Variants in NEBL observed in about 807,000 individuals in gnomAD.
NEBL encodes LIM and SH3 protein 2.
NEBL carries 122 observed loss-of-function variants against 140.2 expected under a neutral mutation model. That is an observed-to-expected ratio of 0.87 (90% CI 0.75 to 1.01). The LOEUF is 1.01. Ranked by LOEUF, NEBL falls within the 50% of genes least tolerant of loss-of-function variation. The pLI, the probability that NEBL is intolerant of heterozygous loss-of-function variation, is 0.00. For synonymous variants in NEBL, 436 were observed against 398.9 expected (o/e 1.09, Z -1.11); for missense variants, 1,365 against 1,231.3 (o/e 1.11, Z -1.62).
intron 4 of NEBL, among the ~76,000 whole-genome samples, chr10:20,955,124 A>G (rs566973643): frequency 6.6e-6 from 1 of 152,328 alleles, no homozygotes; most frequent in South Asian, 2.1e-4. Context: ...ACTCCTATCA[A>G]GGGGTAGGGA....
At chr10:20,861,499 A>T (rs1843699922) in intron 7 of NEBL, among the ~76,000 whole-genome samples, 1 of 151,900 alleles carries the variant, frequency 6.6e-6, no homozygotes, top group Non-Finnish European at 1.5e-5. Context: ...TGCCCTCTTC[A>T]CCCTTCTGCT....
At chr10:20,863,820 T>C (rs1007722106) in intron 7 of NEBL, among the ~76,000 whole-genome samples, 1 of 152,084 alleles carries the variant, frequency 6.6e-6, no homozygotes, top group African/African-American at 2.4e-5. Context: ...ACAAATCGTA[T>C]TAAGAACTGT....
chr10:20,968,943 C>T (rs1307360417), intron 3 of NEBL, among the ~76,000 whole-genome samples: 4 of 152,094 alleles, frequency 2.6e-5, no homozygotes, highest in African/African-American at 9.7e-5. Context: ...TATATCTTTC[C>T]ACAGATTTTA....
intron 7 of NEBL, among the ~76,000 whole-genome samples, chr10:20,865,752 G>C (rs1419350656): frequency 6.6e-6 from 1 of 152,152 alleles, no homozygotes; most frequent in Non-Finnish European, 1.5e-5. Context: ...AGCCTCCTGA[G>C]TTATAAAGTC....
At chr10:20,844,434 G>C (rs1039943186) in intron 12 of NEBL, among the ~76,000 whole-genome samples, 2 of 149,764 alleles carry the variant, frequency 1.3e-5, no homozygotes, top group African/African-American at 4.9e-5. Context: ...TATACTTAGG[G>C]AACACTTTCC....
chr10:20,959,682 T>C (rs1322826861), intron 4 of NEBL, among the ~76,000 whole-genome samples: 2 of 152,102 alleles, frequency 1.3e-5, no homozygotes, highest in African/African-American at 4.8e-5. Context: ...GAAGTCTATA[T>C]TTTTTACAGC....
intron 2 of NEBL, among the ~76,000 whole-genome samples, chr10:21,139,400 A>G (rs918145985): frequency 6.6e-6 from 1 of 152,166 alleles, no homozygotes; most frequent in African/African-American, 2.4e-5. Context: ...ATCGGTTACA[A>G]TTTGGATGAG....
intron 7 of NEBL, 145 bp downstream of exon 7, chr10:20,868,519 G>A: frequency 1.4e-6 from 1 of 704,924 alleles, no homozygotes; most frequent in Non-Finnish European, 2.6e-6. Context: ...CATAATGATT[G>A]CAAGCCCATC....
At position 20,783,348 on chromosome 10, in the gene NEBL, A is replaced by G. The variant is rs1305457595; in HGVS notation, c.*2399T>C. 2 of 152,208 alleles carry G rather than the reference A, an allele frequency of 1.3e-5. No individual in the cohort carries two copies. Among genetic ancestry groups the G allele is most frequent in the Non-Finnish European group, 2.9e-5 (2 of 68,054 alleles). 9.4% of individuals were successfully genotyped at this position (152,208 alleles called of 1,614,324 possible). ...CTTGTTCAGTTTTAGTCTTCATTGT[A>G]AAACAACTACCCTTTAGTTAAATTC... On this transcript the variant is annotated 3_prime_UTR_variant, in exon 28 of 28. Coordinates refer to ENST00000377122, the MANE Select transcript of NEBL (RefSeq NM_006393.3).
Position 21,148,278 on chromosome 10 carries a change from C to T in NEBL, c.164+24105G>A, listed in dbSNP as rs144916093. ...AAACATGTACATTGGTTTCCATCCA[C>T]GTTCATGGCTCATCACTCCCAGGAC... On this transcript the variant is annotated intron_variant, in intron 2 of 6. Transcript: ENST00000417816. Among the ~76,000 whole-genome samples the T allele has an allele frequency of 9.7e-3, 1,479 of 152,326 alleles. 16 individuals carry two copies. Among genetic ancestry groups the T allele is most frequent in the Non-Finnish European group, 0.018 (1,200 of 68,030 alleles).
chr10:21,022,082 A>T (rs1838821616), intron 2 of NEBL, among the ~76,000 whole-genome samples: 1 of 152,116 alleles, frequency 6.6e-6, no homozygotes, highest in Non-Finnish European at 1.5e-5. Context: ...TCAAACACTG[A>T]TTCAGAGCTG....
intron 4 of NEBL, among the ~76,000 whole-genome samples, chr10:20,958,039 T>C (rs949193560): frequency 6.6e-6 from 1 of 152,206 alleles, no homozygotes; most frequent in African/African-American, 2.4e-5. Flanking sequence ...TGGTTGTGCT[T>C]TGAGATCCTG....
At chr10:21,122,089 G>A (rs1372803355) in intron 2 of NEBL, among the ~76,000 whole-genome samples, 3 of 151,788 alleles carry the variant, frequency 2.0e-5, no homozygotes, top group African/African-American at 4.8e-5. Flanking sequence ...GCAGTGGCAC[G>A]ATCTCGGCTC....
chr10:21,014,114 A>AT (rs1404404256), intron 3 of NEBL, among the ~76,000 whole-genome samples: 1 of 151,772 alleles, frequency 6.6e-6, no homozygotes, highest in Non-Finnish European at 1.5e-5. Flanking sequence ...AATTTTTCCT[A>AT]TTTTTTATTA....
At chr10:21,123,434 A>C (rs764862680) in intron 2 of NEBL, among the ~76,000 whole-genome samples, 1 of 152,208 alleles carries the variant, frequency 6.6e-6, no homozygotes, top group Non-Finnish European at 1.5e-5. Flanking sequence ...AAAGTTCTTT[A>C]TCATCAACTT....
At chr10:21,050,770 C>T (rs1357623921) in intron 2 of NEBL, among the ~76,000 whole-genome samples, 1 of 152,192 alleles carries the variant, frequency 6.6e-6, no homozygotes, top group Non-Finnish European at 1.5e-5. Context: ...AGATGACATT[C>T]TAGGTTCTAG....
chr10:21,248,437 T>C (rs896687587), intron 2 of NEBL, among the ~76,000 whole-genome samples: 4 of 152,210 alleles, frequency 2.6e-5, no homozygotes, highest in African/African-American at 9.6e-5. Flanking sequence ...CCTTTGTGTC[T>C]GGCTTATTTC....
chr10:20,817,557 T>G, intron 21 of NEBL, 43 bp downstream of exon 21: 1 of 1,414,592 alleles, frequency 7.1e-7, no homozygotes, highest in South Asian at 1.1e-5. Context: ...ACGTGGACAA[T>G]GCATTTGATA....
intron 2 of NEBL, among the ~76,000 whole-genome samples, chr10:21,120,413 T>C (rs1382531966): frequency 7.8e-6 from 1 of 128,224 alleles, no homozygotes; most frequent in Admixed American, 7.7e-5. Context: ...TATATATATA[T>C]ATATATATAT....
Sources: allele counts gnomAD v4.1 joint callset (sites outside exome capture counted in the v4.1 genomes callset), GRCh38; gene constraint gnomAD v4.1.1; transcripts MANE v1.5; gene names NCBI Gene and HGNC (gene_info 2026-07-23, HGNC 2026-07-21).